Variants in FRMD3 observed in about 807,000 individuals in gnomAD.
FRMD3 encodes FERM domain containing 3.
FRMD3 carries 33 observed loss-of-function variants against 70.2 expected under a neutral mutation model. The observed-to-expected ratio is 0.47, with a 90% CI of 0.36 to 0.63. The LOEUF (loss-of-function observed/expected upper bound fraction) is 0.63, where lower values mean the gene tolerates loss of function less well. Among genes scored for constraint, FRMD3 ranks in the 20% least tolerant of loss-of-function variants. The probability of loss-of-function intolerance (pLI) is 0.00; values close to 1 mark genes in which losing one functional copy is unlikely to be tolerated. For missense variants in FRMD3, 632 were observed against 711.4 expected (o/e 0.89, Z 1.27); for synonymous variants, 279 against 255.9 (o/e 1.09, Z -0.86).
chr9:83,439,136 A>T (rs1827225846), intron 1 of FRMD3, among the ~76,000 whole-genome samples: 1 of 152,214 alleles, frequency 6.6e-6, no homozygotes, highest in Non-Finnish European at 1.5e-5. Context: ...AGGAAACTAC[A>T]TATAATAATT....
rs533373850 is a variant in FRMD3 at position 83,273,324 on chromosome 9, AC to A, written c.1195+17278del. Among the ~76,000 whole-genome samples, 209 of 151,270 alleles carry A rather than the reference AC, an allele frequency of 1.4e-3. 1 individual carries two copies. The highest frequency in any genetic ancestry group is 4.6e-3 in the African/African-American group (190 of 41,008). On this transcript the variant is annotated intron_variant, in intron 13 of 13. Transcript: ENST00000304195. ...TGCCTTGGGATGCTGTTAATCTATA[AC>A]CTTACCCCCAACCCCGTGCTCTCTG...
At chr9:83,556,936 T>G in the FRMD3 span, among the ~76,000 whole-genome samples, 1 of 152,146 alleles carries the variant, frequency 6.6e-6, no homozygotes, top group East Asian at 1.9e-4. Flanking sequence ...TAGTTTATTT[T>G]AAAACATTCT....
At chr9:83,442,010 C>T (rs1330715185) in intron 1 of FRMD3, among the ~76,000 whole-genome samples, 1 of 152,136 alleles carries the variant, frequency 6.6e-6, no homozygotes, top group East Asian at 1.9e-4. Flanking sequence ...GCATAAAGAA[C>T]GTGCGCACTA....
chr9:83,369,870 G>C lies in FRMD3; in HGVS notation c.295+3043C>G, dbSNP rs1824915185. Among the ~76,000 whole-genome samples, 3 of 152,162 alleles carry C rather than the reference G, an allele frequency of 2.0e-5. No homozygotes were observed. The South Asian group carries it at 6.2e-4, about 32-fold the overall frequency. On this transcript the variant is annotated intron_variant, in intron 3 of 13. Transcript: ENST00000304195. ...ATTGTTATTTCTTTGGGGTGAGCTTGATATAGAGGGAGGAGCAAGGAAATA... is the reference window on the plus strand; with the variant it reads ...ATTGTTATTTCTTTGGGGTGAGCTTCATATAGAGGGAGGAGCAAGGAAATA...
the FRMD3 span, among the ~76,000 whole-genome samples, chr9:83,577,362 T>G: frequency 6.6e-6 from 1 of 152,092 alleles, no homozygotes; most frequent in East Asian, 1.9e-4. Flanking sequence ...AGAATAGACA[T>G]GTAGATCCAT....
At chr9:83,331,021 G>GCCTTC in intron 6 of FRMD3, among the ~76,000 whole-genome samples, 1 of 152,342 alleles carries the variant, frequency 6.6e-6, no homozygotes, top group Admixed American at 6.5e-5. Context: ...AAATGCTACA[G>GCCTTC]CCACTTTGGA....
chr9:83,303,412 A>T (rs1750778377), intron 10 of FRMD3, among the ~76,000 whole-genome samples: 1 of 152,220 alleles, frequency 6.6e-6, no homozygotes, highest in Non-Finnish European at 1.5e-5. Flanking sequence ...GTATTTAAAA[A>T]ATCATGCTCT....
At chr9:83,299,079 C>T in intron 11 of FRMD3, 33 bp downstream of exon 11, 1 of 1,470,418 alleles carries the variant, frequency 6.8e-7, no homozygotes, top group Non-Finnish European at 9.5e-7. Context: ...CCCATCCCCA[C>T]CCCCTCACTG....
At chr9:83,457,200 T>A (rs1310996273) in intron 1 of FRMD3, among the ~76,000 whole-genome samples, 3 of 152,178 alleles carry the variant, frequency 2.0e-5, no homozygotes, top group African/African-American at 7.2e-5. Context: ...GCATACACAC[T>A]TTATAAAAAC....
intron 6 of FRMD3, among the ~76,000 whole-genome samples, chr9:83,322,062 T>C (rs925860521): frequency 1.3e-5 from 2 of 151,978 alleles, no homozygotes; most frequent in African/African-American, 4.8e-5. Flanking sequence ...TGCAGCCTAG[T>C]GTTAAACTCT....
chr9:83,484,571 T>C (rs1828643150), intron 1 of FRMD3, among the ~76,000 whole-genome samples: 1 of 152,082 alleles, frequency 6.6e-6, no homozygotes, highest in Non-Finnish European at 1.5e-5. Context: ...GCCCACGCCA[T>C]CACACCTGGC....
chr9:83,273,862 C>CTGGA (rs1480475825), intron 13 of FRMD3, among the ~76,000 whole-genome samples: 1 of 152,202 alleles, frequency 6.6e-6, no homozygotes, highest in African/African-American at 2.4e-5. Flanking sequence ...GTCACCCAGG[C>CTGGA]TGGAGTTCAG....
chr9:83,474,504 C>G (rs1828347480), intron 1 of FRMD3, among the ~76,000 whole-genome samples: 1 of 152,130 alleles, frequency 6.6e-6, no homozygotes, highest in Admixed American at 6.5e-5. Flanking sequence ...AAACAATGAT[C>G]TCTCACCTGC....
intron 1 of FRMD3, among the ~76,000 whole-genome samples, chr9:83,425,487 G>C (rs145585789): frequency 6.6e-6 from 1 of 152,152 alleles, no homozygotes; most frequent in Non-Finnish European, 1.5e-5. Flanking sequence ...TGCATGAACT[G>C]GCCCGGGGAA....
At chr9:83,479,718 AAG>A (rs1491304211) in intron 1 of FRMD3, among the ~76,000 whole-genome samples, 1 of 70,876 alleles carries the variant, frequency 1.4e-5, no homozygotes, top group African/African-American at 7.5e-5. Context: ...GAAAGAAAGA[AAG>A]AAAAGAAAGG....
At chr9:83,571,134 A>T in the FRMD3 span, among the ~76,000 whole-genome samples, 2 of 152,300 alleles carry the variant, frequency 1.3e-5, no homozygotes, top group South Asian at 4.1e-4. Context: ...TTGCTCTCTC[A>T]GGAATGGATT....
intron 13 of FRMD3, among the ~76,000 whole-genome samples, chr9:83,290,212 A>G (rs370177592): frequency 6.6e-6 from 1 of 152,250 alleles, no homozygotes; most frequent in Non-Finnish European, 1.5e-5. Flanking sequence ...GGCAGCCACC[A>G]GCCACATGTG....
At chr9:83,257,619 T>C (rs1832778850) in intron 13 of FRMD3, among the ~76,000 whole-genome samples, 1 of 151,972 alleles carries the variant, frequency 6.6e-6, no homozygotes, top group Non-Finnish European at 1.5e-5. Context: ...TTGCTAATTC[T>C]GTATAAATTA....
At chr9:83,370,166 T>G (rs1364423529) in intron 3 of FRMD3, among the ~76,000 whole-genome samples, 1 of 152,142 alleles carries the variant, frequency 6.6e-6, no homozygotes, top group African/African-American at 2.4e-5. Context: ...GATACGAGCA[T>G]AAAAGGATGA....
Sources: allele counts gnomAD v4.1 joint callset (sites outside exome capture counted in the v4.1 genomes callset), GRCh38; gene constraint gnomAD v4.1.1; transcripts MANE v1.5; gene names NCBI Gene and HGNC (gene_info 2026-07-23, HGNC 2026-07-21).